The following ACOT7 variants were observed in gnomAD, a reference collection of about 807,000 sequenced individuals.
ACOT7 encodes the protein cytosolic acyl coenzyme A thioester hydrolase.
ACOT7 carries 12 observed loss-of-function variants against 40.2 expected under a neutral mutation model. That is an observed-to-expected ratio of 0.30 (90% CI 0.19 to 0.48). The LOEUF (loss-of-function observed/expected upper bound fraction) is 0.48, where lower values mean the gene tolerates loss of function less well. Among genes scored for constraint, ACOT7 ranks in the 20% least tolerant of loss-of-function variants. ACOT7 has a pLI of 0.99. For missense variants in ACOT7, 395 were observed against 530.8 expected, an observed-to-expected ratio of 0.74 and a Z score of 2.51; for synonymous variants, 228 against 219.5, an observed-to-expected ratio of 1.04 and a Z score of -0.34.
chr1:6,363,814 C>T lies in ACOT7; in HGVS notation c.144-13948G>A, dbSNP rs186588610. Among the ~76,000 whole-genome samples the T allele has an allele frequency of 5.2e-3, 791 of 152,266 alleles. 9 individuals are homozygous for T. The highest frequency in any genetic ancestry group is 6.6e-3 in the Non-Finnish European group (448 of 68,016). ...CTGCATCTTGGTGGTAGTTGTCCCCCGGGCCCAGCTGTCTTTTATCTCTTT... is the reference window on the plus strand; with the variant it reads ...CTGCATCTTGGTGGTAGTTGTCCCCTGGGCCCAGCTGTCTTTTATCTCTTT... On this transcript the variant is annotated intron_variant, in intron 1 of 8. Coordinates refer to ENST00000361521, the MANE Select transcript of ACOT7 (RefSeq NM_007274.4).
At chr1:6,302,030 G>A (rs1378329375) in intron 6 of ACOT7, among the ~76,000 whole-genome samples, 1 of 152,210 alleles carries the variant, frequency 6.6e-6, no homozygotes, top group East Asian at 1.9e-4. Context: ...CTGGGGCCCA[G>A]GCCAGGGGGG....
intron 4 of ACOT7, among the ~76,000 whole-genome samples, chr1:6,327,633 C>A (rs1274581659): frequency 6.6e-6 from 1 of 152,198 alleles, no homozygotes. Flanking sequence ...TGGTTTAGAT[C>A]CTTCCTGGAA....
chr1:6,392,049 G>A (rs1394874784), intron 1 of ACOT7, among the ~76,000 whole-genome samples: 4 of 151,960 alleles, frequency 2.6e-5, no homozygotes, highest in Admixed American at 6.6e-5. Context: ...TCCCCCTCTG[G>A]AAAAGTCAAA....
At chr1:6,366,044 G>A (rs567417524) in intron 1 of ACOT7, among the ~76,000 whole-genome samples, 6 of 151,744 alleles carry the variant, frequency 4.0e-5, no homozygotes, top group East Asian at 2.0e-4. Flanking sequence ...ACAGGCACGC[G>A]TCACCACGCC....
At chr1:6,283,323 G>A (rs1557630878) in intron 7 of ACOT7, among the ~76,000 whole-genome samples, 2 of 152,134 alleles carry the variant, frequency 1.3e-5, no homozygotes, top group South Asian at 2.1e-4. Flanking sequence ...CACCATGCAC[G>A]GCTGATTTTT....
chr1:6,381,711 G>A (rs1410995164), intron 1 of ACOT7, among the ~76,000 whole-genome samples: 1 of 151,786 alleles, frequency 6.6e-6, no homozygotes, highest in Non-Finnish European at 1.5e-5. Context: ...TAAAAACGGG[G>A]TCTCTGCTGT....
At chr1:6,315,382 G>A (rs935483585) in intron 6 of ACOT7, among the ~76,000 whole-genome samples, 8 of 152,160 alleles carry the variant, frequency 5.3e-5, no homozygotes, top group Non-Finnish European at 1.2e-4. Context: ...AGGAAAATAC[G>A]ATAAAATCAC....
rs1359865950 is a variant in ACOT7 at position 6,294,397 on chromosome 1, C to A, written c.829+467G>T. Among the ~76,000 whole-genome samples, 1 of 152,202 alleles carries A rather than the reference C, an allele frequency of 6.6e-6. No individual in the cohort carries two copies. Among genetic ancestry groups the A allele is most frequent in the East Asian group, 1.9e-4 (1 of 5,188 alleles). On this transcript the variant is annotated intron_variant, in intron 7 of 8. Transcript: ENST00000361521. This position sits in a 1 kb window ranked among gnomAD's most constrained non-coding sequence, Gnocchi z 4.6. ...GTTGGATTTTTGTGGTGGAGAAAAA[C>A]CACCCAATGCCAGTGCTGCCCTGGG...
In ACOT7 at chr1:6,338,211, G is replaced by A. The variant is rs7339909; in HGVS notation, c.418+1222C>T. ...GGAAGGTCCTAGGAAGCAGGAGAGC[G>A]CGGCAGGCCATCCCTCCTCTCCAGG... is the stretch of plus-strand genomic sequence containing the variant. On this transcript the variant is annotated intron_variant, in intron 3 of 8. Coordinates refer to ENST00000361521, the MANE Select transcript of ACOT7 (RefSeq NM_007274.4). This position sits in a 1 kb window ranked among gnomAD's most constrained non-coding sequence, Gnocchi z 4.4. 0.06 allele frequency among the ~76,000 whole-genome samples: 9,070 copies of A among 152,106 alleles called. 782 individuals carry two copies. The highest frequency in any genetic ancestry group is 0.19 in the African/African-American group (7,888 of 41,440).
At chr1:6,300,228 G>A (rs1639928710) in intron 6 of ACOT7, among the ~76,000 whole-genome samples, 1 of 152,142 alleles carries the variant, frequency 6.6e-6, no homozygotes, top group African/African-American at 2.4e-5. Flanking sequence ...TTAAGGAAGG[G>A]ACACCAAAGC....
intron 6 of ACOT7, among the ~76,000 whole-genome samples, chr1:6,304,234 G>T (rs1640051694): frequency 6.6e-6 from 1 of 150,608 alleles, no homozygotes; most frequent in African/African-American, 2.4e-5. Flanking sequence ...TTGGAACAGG[G>T]AAATGTTGTC....
chr1:6,305,214 T>C (rs1484411359), intron 6 of ACOT7, among the ~76,000 whole-genome samples: 1 of 140,862 alleles, frequency 7.1e-6, no homozygotes, highest in Non-Finnish European at 1.5e-5. Context: ...CCCCCCCACA[T>C]CCTTCCCGGA....
rs58196406 is a variant in ACOT7, at chr1:6,380,586, CAA to C, written c.143+12669_143+12670del. ...CCTGGGCAACAGAGCAAGACCGTCT[CAA>C]AAAAAAAAAAAAAACAAGAAGACGA... On this transcript the variant is annotated intron_variant, in intron 1 of 8. Transcript: ENST00000361521. Among the ~76,000 whole-genome samples the C allele has an allele frequency of 7.1e-3, 604 of 85,306 alleles. 5 individuals carry two copies. The highest frequency in any genetic ancestry group is 0.02 in the African/African-American group (570 of 28,558). 56.0% of individuals were successfully genotyped at this position (85,306 alleles called of 152,430 possible).
rs186619394 is a variant in ACOT7, at chr1:6,334,378, C to T, written c.419-810G>A. Among the ~76,000 whole-genome samples the T allele has an allele frequency of 3.4e-3, 518 of 152,374 alleles. 4 individuals are homozygous for T. The highest frequency in any genetic ancestry group is 6.5e-3 in the Non-Finnish European group (443 of 68,038). On this transcript the variant is annotated intron_variant, in intron 3 of 8. Transcript: ENST00000361521. The stretch of plus-strand genomic sequence containing the variant: ...GGGAAGCCCAGAAAGACACTTGGCC[C>T]ATACAGACGTGCAGGCTGCAGAGGC...
At chr1:6,308,350 AGGAACAGCCACAGGCAGGG>A (rs1268869058) in intron 6 of ACOT7, among the ~76,000 whole-genome samples, 2 of 151,466 alleles carry the variant, frequency 1.3e-5, no homozygotes, top group East Asian at 3.9e-4. Context: ...AACAGGCAGA[AGGAACAGCCACAGGCAGGG>A]GGAACAGCGA....
chr1:6,276,224 A>T (rs1639184548), intron 8 of ACOT7, among the ~76,000 whole-genome samples: 1 of 152,166 alleles, frequency 6.6e-6, no homozygotes, highest in Non-Finnish European at 1.5e-5. Flanking sequence ...CTGAGGTGCC[A>T]GGGACGTCCT....
intron 6 of ACOT7, among the ~76,000 whole-genome samples, chr1:6,312,813 T>C (rs1018438922): frequency 5.3e-4 from 80 of 152,220 alleles, no homozygotes; most frequent in African/African-American, 1.9e-3. Context: ...CCATCTCATG[T>C]ACCCCATAAA....
intron 6 of ACOT7, among the ~76,000 whole-genome samples, chr1:6,295,888 AAATC>A: frequency 6.6e-6 from 1 of 152,100 alleles, no homozygotes; most frequent in East Asian, 1.9e-4. Context: ...CAAAAAAAAA[AAATC>A]AACAACTTGT....
chr1:6,346,100 G>A (rs916383264), intron 2 of ACOT7, among the ~76,000 whole-genome samples: 1 of 152,184 alleles, frequency 6.6e-6, no homozygotes, highest in African/African-American at 2.4e-5. Context: ...ATGGCCGGAC[G>A]CTGTGTTTTG....
Sources: gnomAD v4.1 joint callset for allele counts (sites outside exome capture counted in the v4.1 genomes callset) on GRCh38, gnomAD v4.1.1 for gene constraint, Gnocchi (gnomAD v3.1) non-coding constraint, MANE v1.5 for transcripts, NCBI Gene and HGNC (gene_info 2026-07-23, HGNC 2026-07-21) for gene names.